Variants in PXDNL observed in about 807,000 individuals in gnomAD.
PXDNL encodes the protein probable oxidoreductase PXDNL.
Under a neutral mutation model 150.8 loss-of-function variants are expected in PXDNL, and 145 were observed. The observed-to-expected ratio is 0.96, with a 90% CI of 0.84 to 1.10. The LOEUF (loss-of-function observed/expected upper bound fraction) is 1.10. PXDNL is among the 50% of genes least tolerant of loss of function. The pLI is 0.00. For missense variants in PXDNL, 2,087 were observed against 1,873.9 expected (o/e 1.11, Z -2.10); for synonymous variants, 757 against 725.7 (o/e 1.04, Z -0.69).
intron 1 of PXDNL, among the ~76,000 whole-genome samples, chr8:51,689,547 G>T (rs1049836924): frequency 5.9e-5 from 9 of 151,978 alleles, no homozygotes; most frequent in Non-Finnish European, 1.2e-4. Flanking sequence ...CCCAAGTAAT[G>T]ATATATTAAG....
chr8:51,448,580 C>A (rs528683917), intron 11 of PXDNL, among the ~76,000 whole-genome samples: 66 of 152,150 alleles, frequency 4.3e-4, no homozygotes, highest in African/African-American at 1.6e-3. Context: ...TGGCGGGCAC[C>A]TGTAGTCCCA....
intron 3 of PXDNL, among the ~76,000 whole-genome samples, chr8:51,564,981 C>T (rs1350840877): frequency 6.6e-6 from 1 of 151,814 alleles, no homozygotes; most frequent in African/African-American, 2.4e-5. Context: ...TTCCACATTT[C>T]ATTAGCTAAG....
chr8:51,642,773 G>T (rs530605680), intron 2 of PXDNL, among the ~76,000 whole-genome samples: 196 of 152,342 alleles, frequency 1.3e-3, no homozygotes, highest in Non-Finnish European at 1.9e-3. Context: ...CAGATGACAT[G>T]ACTGTATATT....
chr8:51,555,797 A>T (rs566165322), intron 4 of PXDNL, among the ~76,000 whole-genome samples: 12 of 152,316 alleles, frequency 7.9e-5, no homozygotes, highest in African/African-American at 2.9e-4. Context: ...CTTGTAATTG[A>T]GAGAAATCTA....
chr8:51,370,144 T>C (rs944802067), intron 19 of PXDNL, among the ~76,000 whole-genome samples: 3 of 152,216 alleles, frequency 2.0e-5, no homozygotes, highest in African/African-American at 7.2e-5. Context: ...TCAGGGATAA[T>C]AACAACCACC....
chr8:51,582,353 C>T (rs1193835649), intron 3 of PXDNL, among the ~76,000 whole-genome samples: 1 of 152,080 alleles, frequency 6.6e-6, no homozygotes, highest in Non-Finnish European at 1.5e-5. Flanking sequence ...GTTGAGCCAT[C>T]TAGTCTATGG....
chr8:51,695,693 A>C (rs1816106548), intron 1 of PXDNL, among the ~76,000 whole-genome samples: 1 of 152,168 alleles, frequency 6.6e-6, no homozygotes, highest in Non-Finnish European at 1.5e-5. Context: ...CCTCACTTGC[A>C]CATTAAATGA....
intron 6 of PXDNL, among the ~76,000 whole-genome samples, chr8:51,479,671 C>G (rs1488213844): frequency 2.0e-5 from 3 of 151,884 alleles, no homozygotes; most frequent in African/African-American, 7.3e-5. Context: ...TGCATGCACA[C>G]GGACGTAGGG....
Position 51,460,084 on chromosome 8 carries a change from CAA to C in PXDNL, c.813-2419_813-2418del, listed in dbSNP as rs913978807. On this transcript the variant is annotated intron_variant, in intron 8 of 22. Transcript: ENST00000356297. ...GCAACACAGTGAGACCCTGTCTCTACAAAAAAAATCTAAAAATTAGCCAGATA... is the reference window on the plus strand; with the variant it reads ...GCAACACAGTGAGACCCTGTCTCTACAAAAAATCTAAAAATTAGCCAGATA... Among the ~76,000 whole-genome samples the C allele has an allele frequency of 2.9e-4, 44 of 150,922 alleles. 1 individual carries two copies. Among genetic ancestry groups the C allele is most frequent in the African/African-American group, 9.5e-4 (39 of 41,074 alleles).
intron 2 of PXDNL, among the ~76,000 whole-genome samples, chr8:51,596,796 T>C (rs1813577584): frequency 6.6e-6 from 1 of 152,224 alleles, no homozygotes; most frequent in Non-Finnish European, 1.5e-5. Context: ...TTAAAGATCC[T>C]AGATAGTAGA....
intron 4 of PXDNL, among the ~76,000 whole-genome samples, chr8:51,542,679 A>T (rs1170513840): frequency 6.6e-6 from 1 of 151,790 alleles, no homozygotes. Flanking sequence ...GGATGGTGGG[A>T]GGCGCCTGTA....
chr8:51,439,045 C>A lies in PXDNL; in HGVS notation c.1525+7959G>T, dbSNP rs1168593872. ...GACTTCATGACCAAGAATCCAAAAG[C>A]AAATGCAAAACAAACAAAGATAAAT... On this transcript the variant is annotated intron_variant, in intron 12 of 22. Transcript: ENST00000356297. Among the ~76,000 whole-genome samples, 3 of 152,094 alleles carry A rather than the reference C, an allele frequency of 2.0e-5. No homozygotes were observed. The East Asian group carries it at 5.8e-4, about 29-fold the overall frequency.
intron 1 of PXDNL, among the ~76,000 whole-genome samples, chr8:51,663,330 T>A (rs981255345): frequency 5.9e-5 from 9 of 152,130 alleles, no homozygotes; most frequent in African/African-American, 1.9e-4. Flanking sequence ...GGAAAACCCA[T>A]CTCCTGATTT....
At chr8:51,363,941 G>A (rs560877156) in intron 19 of PXDNL, among the ~76,000 whole-genome samples, 2 of 152,164 alleles carry the variant, frequency 1.3e-5, no homozygotes, top group Non-Finnish European at 2.9e-5. Context: ...AGGTATTATA[G>A]ATACTATAGT....
At chr8:51,574,882 G>C (rs1813017145) in intron 3 of PXDNL, among the ~76,000 whole-genome samples, 1 of 151,994 alleles carries the variant, frequency 6.6e-6, no homozygotes, top group South Asian at 2.1e-4. Flanking sequence ...TTTGTCAACA[G>C]CAGAGCTATT....
intron 3 of PXDNL, among the ~76,000 whole-genome samples, chr8:51,580,711 A>G (rs950134561): frequency 6.6e-6 from 1 of 152,208 alleles, no homozygotes; most frequent in African/African-American, 2.4e-5. Flanking sequence ...CCTTGATACC[A>G]AGTAGCTTAT....
intron 2 of PXDNL, among the ~76,000 whole-genome samples, chr8:51,640,084 C>G (rs1422451012): frequency 1.3e-5 from 2 of 152,152 alleles, no homozygotes; most frequent in African/African-American, 2.4e-5. Flanking sequence ...AGCATAGAAA[C>G]AGAACCAAAG....
intron 2 of PXDNL, among the ~76,000 whole-genome samples, chr8:51,634,686 T>G (rs1445244860): frequency 6.6e-6 from 1 of 152,182 alleles, no homozygotes; most frequent in Non-Finnish European, 1.5e-5. Flanking sequence ...CTTATAGAGC[T>G]CTTTCACCTC....
chr8:51,654,804 G>A, intron 1 of PXDNL, 44 bp from the exon 2 acceptor site: 3 of 1,428,528 alleles, frequency 2.1e-6, no homozygotes, highest in Non-Finnish European at 3.0e-6. Flanking sequence ...TATGTTGACT[G>A]CATTCTGCCA....
Sources: allele counts gnomAD v4.1 joint callset (sites outside exome capture counted in the v4.1 genomes callset), GRCh38; gene constraint gnomAD v4.1.1; transcripts MANE v1.5; gene names NCBI Gene and HGNC (gene_info 2026-07-23, HGNC 2026-07-21).